The following DDC variants were observed in gnomAD, a reference collection of about 807,000 sequenced individuals.
DDC encodes dopa decarboxylase.
Under a neutral mutation model 60.0 loss-of-function variants are expected in DDC, and 43 were observed. That is an observed-to-expected ratio of 0.72 (90% CI 0.56 to 0.92). The LOEUF is 0.92. DDC is among the 40% of genes least tolerant of loss of function. The pLI is 0.00. For synonymous variants in DDC, 232 were observed against 234.6 expected (o/e 0.99, Z 0.10); for missense variants, 573 against 620.2 (o/e 0.92, Z 0.81).
chr7:50,520,605 GA>G (rs1221379800), intron 6 of DDC, among the ~76,000 whole-genome samples: 2 of 152,030 alleles, frequency 1.3e-5, no homozygotes, highest in Non-Finnish European at 2.9e-5. Context: ...TAATAACCTA[GA>G]AAAAAAGGCA....
chr7:50,463,112 T>C (rs760870379), intron 14 of DDC, 101 bp downstream of exon 14: 97 of 926,294 alleles, frequency 1.0e-4, no homozygotes, highest in Non-Finnish European at 1.2e-4. Flanking sequence ...TCTGGCAGCA[T>C]TGAGTGGCCG....
At chr7:50,459,102 G>A (rs1248580169) in intron 14 of DDC, among the ~76,000 whole-genome samples, 4 of 152,222 alleles carry the variant, frequency 2.6e-5, no homozygotes, top group African/African-American at 4.8e-5. Context: ...GATTGCAGGC[G>A]CGCACCACCA....
chr7:50,554,996 C>G (rs1437301821), intron 1 of DDC, among the ~76,000 whole-genome samples: 1 of 152,114 alleles, frequency 6.6e-6, no homozygotes, highest in African/African-American at 2.4e-5. Context: ...CCTTAGGTAA[C>G]CGAGGAAGCT....
intron 6 of DDC, among the ~76,000 whole-genome samples, 195 bp from the exon 7 acceptor site, chr7:50,504,254 G>C (rs904665746): frequency 1.3e-5 from 2 of 152,220 alleles, no homozygotes; most frequent in African/African-American, 4.8e-5. Flanking sequence ...CAGGTTAAGA[G>C]AAACAGATTT....
At position 50,489,004 on chromosome 7, in the gene DDC, CTTGT is replaced by C. The variant is rs149606812; in HGVS notation, c.944+6342_944+6345del. On this transcript the variant is annotated intron_variant, in intron 9 of 14. Coordinates refer to ENST00000444124, the MANE Select transcript of DDC (RefSeq NM_001082971.2). ...TAAACTGAATGGTTTTCTTTGTTTG[CTTGT>C]TTGTTTGTTTGTTTTTGAGATGGAG... 5.2e-4 allele frequency among the ~76,000 whole-genome samples: 79 copies of C among 151,896 alleles called. 1 individual carries two copies. The South Asian group carries it at 0.015, about 30-fold the overall frequency.
In DDC at chr7:50,472,169, C is replaced by A. The variant is rs146972488; in HGVS notation, c.1042-1998G>T. On this transcript the variant is annotated intron_variant, in intron 11 of 14. Coordinates refer to ENST00000444124, the MANE Select transcript of DDC (RefSeq NM_001082971.2). ...GACCCCTGTGTACCCAGCCTCACCTCCTGCCAGACTAAGTTCCCAGAGGAA... is the reference window on the plus strand; with the variant it reads ...GACCCCTGTGTACCCAGCCTCACCTACTGCCAGACTAAGTTCCCAGAGGAA... 4.3e-4 allele frequency among the ~76,000 whole-genome samples: 65 copies of A among 152,296 alleles called. No individual in the cohort carries two copies. The East Asian group carries it at 0.011, about 25-fold the overall frequency.
At chr7:50,477,366 G>T (rs1784371597) in intron 10 of DDC, among the ~76,000 whole-genome samples, 1 of 152,252 alleles carries the variant, frequency 6.6e-6, no homozygotes, top group African/African-American at 2.4e-5. Context: ...CTGCAGTCCT[G>T]CTGCACAGAT....
At chr7:50,526,588 A>T (rs1299394834) in intron 6 of DDC, among the ~76,000 whole-genome samples, 1 of 152,254 alleles carries the variant, frequency 6.6e-6, no homozygotes, top group Admixed American at 6.5e-5. Context: ...CCAAATAAAA[A>T]ACAAATAGAC....
intron 1 of DDC, among the ~76,000 whole-genome samples, chr7:50,546,194 C>A (rs1208781603): frequency 1.3e-5 from 2 of 152,166 alleles, no homozygotes; most frequent in Admixed American, 1.3e-4. Flanking sequence ...ATTGTCCATG[C>A]TGGGATTTTT....
intron 9 of DDC, among the ~76,000 whole-genome samples, chr7:50,495,102 T>C (rs527788638): frequency 6.6e-6 from 1 of 152,234 alleles, no homozygotes; most frequent in Admixed American, 6.5e-5. Context: ...CAATGCTGGA[T>C]AAATCAAATA....
chr7:50,553,792 T>C (rs1033732187), intron 1 of DDC, among the ~76,000 whole-genome samples: 1 of 152,120 alleles, frequency 6.6e-6, no homozygotes, highest in African/African-American at 2.4e-5. Context: ...GCCTGACTTG[T>C]TTCTTGATGG....
At chr7:50,501,319 C>T (rs2043251020) in intron 7 of DDC, among the ~76,000 whole-genome samples, 1 of 152,202 alleles carries the variant, frequency 6.6e-6, no homozygotes, top group African/African-American at 2.4e-5. Flanking sequence ...ATGGCCTCCC[C>T]AACTCAGCCC....
chr7:50,495,721 A>C lies in DDC; in HGVS notation c.877-304T>G, dbSNP rs11575414. Among the ~76,000 whole-genome samples the C allele has an allele frequency of 3.6e-3, 555 of 152,358 alleles. 3 individuals are homozygous for C. Among genetic ancestry groups the C allele is most frequent in the African/African-American group, 0.013 (525 of 41,588 alleles). On this transcript the variant is annotated intron_variant, in intron 8 of 14. Coordinates refer to ENST00000444124, the MANE Select transcript of DDC (RefSeq NM_001082971.2). ...CATAAAATGGAACAAGAATTTTAAA[A>C]TTAAAAGTTTATATTCCCAAATGAA...
intron 14 of DDC, among the ~76,000 whole-genome samples, chr7:50,461,747 A>G (rs917104854): frequency 1.2e-4 from 19 of 152,234 alleles, no homozygotes; most frequent in African/African-American, 4.3e-4. Flanking sequence ...GAGCAATGGA[A>G]TAACTTCAAC....
At chr7:50,488,857 C>T (rs548488266) in intron 9 of DDC, among the ~76,000 whole-genome samples, 2 of 152,316 alleles carry the variant, frequency 1.3e-5, no homozygotes, top group African/African-American at 4.8e-5. Context: ...AGCTTTCTCT[C>T]CCCTTCAAGA....
At chr7:50,540,368 C>T (rs1394073716) in intron 2 of DDC, among the ~76,000 whole-genome samples, 1 of 152,180 alleles carries the variant, frequency 6.6e-6, no homozygotes, top group Non-Finnish European at 1.5e-5. Flanking sequence ...CACTGTGCTT[C>T]AAGTTCTTGC....
chr7:50,492,680 G>T lies in DDC; in HGVS notation c.944+2670C>A, dbSNP rs1021547427. ...GGCTTACGTTTAATTCCTTCTACAA[G>T]GAAATTTTCCAAATGGCCTTTTCCA... On this transcript the variant is annotated intron_variant, in intron 9 of 14. Transcript: ENST00000444124. 7 of 1,034,516 alleles carry T rather than the reference G, an allele frequency of 6.8e-6. No homozygotes were observed. The Admixed American group carries it at 1.9e-4, about 28-fold the overall frequency. 64.1% of individuals were successfully genotyped at this position (1,034,516 alleles called of 1,614,324 possible).
At chr7:50,519,274 C>A (rs2043823170) in intron 6 of DDC, among the ~76,000 whole-genome samples, 1 of 152,194 alleles carries the variant, frequency 6.6e-6, no homozygotes, top group Admixed American at 6.5e-5. Flanking sequence ...GATCCAGGAA[C>A]ACTTCTACAC....
chr7:50,499,286 A>C (rs771499657), intron 7 of DDC, 44 bp from the exon 8 acceptor site: 51 of 1,404,496 alleles, frequency 3.6e-5, no homozygotes, highest in Non-Finnish European at 5.1e-5. Context: ...TGGATGCCTC[A>C]CCACGGAGCC....
Sources: allele counts gnomAD v4.1 joint callset (sites outside exome capture counted in the v4.1 genomes callset), GRCh38; gene constraint gnomAD v4.1.1; transcripts MANE v1.5; gene names NCBI Gene and HGNC (gene_info 2026-07-23, HGNC 2026-07-21).